AOPEP: variants seen among roughly 807,000 people sequenced by gnomAD.
AOPEP encodes aminopeptidase O.
In AOPEP, 77 loss-of-function variants were observed where a neutral mutation model predicts 98.1. The observed-to-expected ratio is 0.78, with a 90% CI of 0.65 to 0.95. The LOEUF is 0.95. AOPEP is among the 40% of genes least tolerant of loss of function. The pLI is 0.00. For missense variants in AOPEP, 1,024 were observed against 1,024.7 expected (o/e 1.00, Z 0.01); for synonymous variants, 346 against 365.3 (o/e 0.95, Z 0.60).
chr9:95,046,684 C>A (rs1217356063), intron 13 of AOPEP, among the ~76,000 whole-genome samples: 1 of 152,138 alleles, frequency 6.6e-6, no homozygotes, highest in Non-Finnish European at 1.5e-5. Context: ...GGGAGTGTTA[C>A]ATTTTCTCTG....
chr9:95,088,432 C>A (rs767878932), downstream of AOPEP, among the ~76,000 whole-genome samples: 5 of 152,190 alleles, frequency 3.3e-5, no homozygotes, highest in Non-Finnish European at 5.9e-5. Context: ...TGGTCTCGAA[C>A]TCCCGACCTC....
At chr9:94,996,448 G>A (rs1354903105) in intron 11 of AOPEP, among the ~76,000 whole-genome samples, 1 of 150,568 alleles carries the variant, frequency 6.6e-6, no homozygotes, top group African/African-American at 2.4e-5. Flanking sequence ...CATTCCTCTT[G>A]TTGCAAGTTG....
intron 7 of AOPEP, among the ~76,000 whole-genome samples, chr9:94,934,377 C>A (rs1175066048): frequency 4.9e-5 from 7 of 142,388 alleles, no homozygotes; most frequent in African/African-American, 1.9e-4. Flanking sequence ...AGTTCAGTGG[C>A]GCGATTTCGG....
chr9:95,019,701 A>G (rs117718485), intron 13 of AOPEP: 1 of 152,340 alleles, frequency 6.6e-6, no homozygotes, highest in Non-Finnish European at 1.5e-5. Context: ...TGAGCTTCTA[A>G]ATGTTAAAGA....
At chr9:95,068,536 A>T (rs1181304827) in intron 14 of AOPEP, among the ~76,000 whole-genome samples, 6 of 152,192 alleles carry the variant, frequency 3.9e-5, no homozygotes, top group Non-Finnish European at 8.8e-5. Flanking sequence ...ACTGAGTTAT[A>T]ATAGTTCTTT....
chr9:94,801,034 A>G (rs917279100), intron 5 of AOPEP, 32 bp downstream of exon 5: 1 of 1,609,852 alleles, frequency 6.2e-7, no homozygotes, highest in Non-Finnish European at 8.5e-7. Flanking sequence ...CTTGGGGTAC[A>G]TACATTTTGG....
At chr9:94,853,880 C>T (rs1169185032) in intron 5 of AOPEP, among the ~76,000 whole-genome samples, 1 of 152,182 alleles carries the variant, frequency 6.6e-6, no homozygotes, top group African/African-American at 2.4e-5. Context: ...AGCAGTTACT[C>T]TCATAGGTAC....
At chr9:94,765,485 C>T (rs1193448471) in intron 2 of AOPEP, among the ~76,000 whole-genome samples, 1 of 89,748 alleles carries the variant, frequency 1.1e-5, no homozygotes, top group East Asian at 4.6e-4. Flanking sequence ...TAATAAGTCA[C>T]AGCTACTTGG....
chr9:94,732,129 T>C (rs1830686947), intron 1 of AOPEP, among the ~76,000 whole-genome samples: 1 of 152,162 alleles, frequency 6.6e-6, no homozygotes, highest in Non-Finnish European at 1.5e-5. Flanking sequence ...TTTTAACATA[T>C]ACATATGTAC....
the AOPEP span, among the ~76,000 whole-genome samples, chr9:95,119,398 G>T: frequency 2.8e-5 from 4 of 144,154 alleles, no homozygotes; most frequent in South Asian, 4.3e-4. Context: ...ATGGAGTCTT[G>T]CTCTGTTGCC....
Position 95,068,795 on chromosome 9 carries a change from G to T in AOPEP, c.2232+7985G>T, listed in dbSNP as rs183596750. On this transcript the variant is annotated intron_variant, in intron 14 of 16. Coordinates refer to ENST00000375315, the MANE Select transcript of AOPEP (RefSeq NM_001193329.3). ...TGTTTCTCTAGCTCTTGAACAGAAG[G>T]GTATCAGAAGAAATAGCCACTGAGA... 7.1e-3 allele frequency among the ~76,000 whole-genome samples: 1,079 copies of T among 152,238 alleles called. 7 individuals are homozygous for T. The highest frequency in any genetic ancestry group is 0.013 in the Non-Finnish European group (871 of 68,020).
chr9:94,727,236 G>A (rs1829410436), intron 1 of AOPEP, among the ~76,000 whole-genome samples: 1 of 152,170 alleles, frequency 6.6e-6, no homozygotes, highest in Admixed American at 6.5e-5. Flanking sequence ...TGAGTTTTGG[G>A]GTCCCTATAG....
intron 1 of AOPEP, among the ~76,000 whole-genome samples, chr9:94,748,080 A>T (rs1433335782): frequency 6.6e-6 from 1 of 152,216 alleles, no homozygotes; most frequent in Non-Finnish European, 1.5e-5. Context: ...AAGACTTTCT[A>T]ATAAATTAAT....
the AOPEP span, among the ~76,000 whole-genome samples, chr9:95,119,365 CTTTTTT>C: frequency 7.1e-6 from 1 of 141,282 alleles, no homozygotes; most frequent in East Asian, 2.1e-4. Flanking sequence ...TCTTCCTTTT[CTTTTTT>C]TTTTTTTTTA....
downstream of AOPEP, among the ~76,000 whole-genome samples, chr9:95,090,297 A>C (rs139735279): frequency 1.3e-5 from 2 of 152,362 alleles, no homozygotes; most frequent in African/African-American, 2.4e-5. Flanking sequence ...CCAGGAGAAC[A>C]AACGGATGCC....
At chr9:94,750,756 C>CTTTCT (rs1835528820) in intron 1 of AOPEP, among the ~76,000 whole-genome samples, 1 of 130,916 alleles carries the variant, frequency 7.6e-6, no homozygotes, top group Non-Finnish European at 1.6e-5. Context: ...TCTTTTCTTT[C>CTTTCT]TTTTTTTTTT....
intron 13 of AOPEP, among the ~76,000 whole-genome samples, chr9:95,047,270 T>C (rs192636982): frequency 6.6e-6 from 1 of 152,338 alleles, no homozygotes; most frequent in African/African-American, 2.4e-5. Context: ...GTTTTTATAG[T>C]GGTGGGGTTT....
At chr9:94,955,036 C>T in intron 7 of AOPEP, 141 bp from the exon 8 acceptor site, 2 of 524,562 alleles carry the variant, frequency 3.8e-6, no homozygotes, top group Non-Finnish European at 6.7e-6. Flanking sequence ...GTAATACAAA[C>T]TGTTCTAAAT....
At chr9:95,001,447 T>C (rs148727811) in intron 11 of AOPEP, among the ~76,000 whole-genome samples, 2 of 152,348 alleles carry the variant, frequency 1.3e-5, no homozygotes, top group African/African-American at 4.8e-5. Flanking sequence ...AAAGTGCTTT[T>C]ACTACATTCT....
Sources: allele counts gnomAD v4.1 joint callset (sites outside exome capture counted in the v4.1 genomes callset), GRCh38; gene constraint gnomAD v4.1.1; transcripts MANE v1.5; gene names NCBI Gene and HGNC (gene_info 2026-07-23, HGNC 2026-07-21).